Variants in ANKRD30A observed in about 807,000 individuals in gnomAD.
ANKRD30A encodes ankyrin repeat domain-containing protein 30A.
A neutral mutation model predicts 166.3 loss-of-function variants in ANKRD30A; 170 were observed. The observed-to-expected ratio is 1.02, with a 90% CI of 0.90 to 1.16. ANKRD30A has a LOEUF of 1.16. Ranked by LOEUF, ANKRD30A falls within the 50% of genes most tolerant of loss-of-function variation. ANKRD30A has a pLI of 0.00. For missense variants in ANKRD30A, 1,630 were observed against 1,518.0 expected (o/e 1.07, Z -1.23); for synonymous variants, 564 against 508.9 (o/e 1.11, Z -1.46).
chr10:37,139,103 A>G (rs983308690), intron 6 of ANKRD30A, among the ~76,000 whole-genome samples: 1 of 152,254 alleles, frequency 6.6e-6, no homozygotes, highest in Admixed American at 6.5e-5. Context: ...TTTTCAACCC[A>G]GAATTTCATA....
downstream of ANKRD30A, among the ~76,000 whole-genome samples, chr10:37,233,668 C>A (rs1039241741): frequency 6.6e-6 from 1 of 152,084 alleles, no homozygotes; most frequent in African/African-American, 2.4e-5. Context: ...TATGAAGATT[C>A]AGTGACATGT....
chr10:37,217,129 G>A (rs1469880737), intron 32 of ANKRD30A, among the ~76,000 whole-genome samples: 4 of 150,666 alleles, frequency 2.7e-5, no homozygotes, highest in African/African-American at 9.7e-5. Context: ...TAATCAACAA[G>A]GTACGTTTAA....
intron 5 of ANKRD30A, among the ~76,000 whole-genome samples, chr10:37,134,405 G>A (rs1194153545): frequency 6.6e-6 from 1 of 152,118 alleles, no homozygotes; most frequent in East Asian, 1.9e-4. Flanking sequence ...TTTTGTGTAA[G>A]TCAAAAGGAT....
chr10:37,199,705 A>T, intron 29 of ANKRD30A, 22 bp from the exon 30 acceptor site: 2 of 1,467,580 alleles, frequency 1.4e-6, no homozygotes, highest in Non-Finnish European at 1.9e-6. Context: ...TCATGAATGT[A>T]TCTGTGATTA....
intron 15 of ANKRD30A, among the ~76,000 whole-genome samples, chr10:37,162,332 T>C (rs938932839): frequency 3.3e-5 from 5 of 152,158 alleles, no homozygotes; most frequent in African/African-American, 7.2e-5. Flanking sequence ...TTCTAATGTG[T>C]TTCATTAAGT....
At chr10:37,234,025 G>A (rs538093442), downstream of ANKRD30A, among the ~76,000 whole-genome samples, 518 of 152,190 alleles carry the variant, frequency 3.4e-3, 4 homozygotes, top group African/African-American at 0.011. Context: ...ATCTTATACA[G>A]CTTTTTTAAC....
chr10:37,167,837 C>T (rs1588855812), intron 19 of ANKRD30A, among the ~76,000 whole-genome samples: 1 of 145,756 alleles, frequency 6.9e-6, no homozygotes, highest in Admixed American at 7.0e-5. Context: ...ATTCTACATT[C>T]AGCTGAACTC....
At chr10:37,222,780 T>A (rs982502869) in intron 34 of ANKRD30A, among the ~76,000 whole-genome samples, 1 of 151,422 alleles carries the variant, frequency 6.6e-6, no homozygotes, top group East Asian at 1.9e-4. Flanking sequence ...ATTGACCTTA[T>A]GCTTCAGGAT....
chr10:37,239,869 T>A, the ANKRD30A span, among the ~76,000 whole-genome samples: 1 of 152,112 alleles, frequency 6.6e-6, no homozygotes, highest in Non-Finnish European at 1.5e-5. Flanking sequence ...ATTCTGTAAG[T>A]GAGACATCAT....
chr10:37,154,588 C>G (rs887085386), intron 13 of ANKRD30A, among the ~76,000 whole-genome samples: 36 of 152,134 alleles, frequency 2.4e-4, no homozygotes, highest in Non-Finnish European at 4.0e-4. Flanking sequence ...GAAGATACTA[C>G]CACTAAACAA....
intron 5 of ANKRD30A, chr10:37,135,407 C>A (rs886703309): frequency 6.6e-6 from 1 of 152,114 alleles, no homozygotes; most frequent in African/African-American, 2.4e-5. Flanking sequence ...TGTGTCAAAG[C>A]AAAATGTGTG....
At chr10:37,193,359 T>G (rs906939112) in intron 27 of ANKRD30A, 101 bp downstream of exon 27, 1 of 1,348,166 alleles carries the variant, frequency 7.4e-7, no homozygotes, top group Admixed American at 2.4e-5. Flanking sequence ...TATTCATAAT[T>G]TGATGGGAAA....
chr10:37,239,385 A>G, the ANKRD30A span, among the ~76,000 whole-genome samples: 1 of 152,120 alleles, frequency 6.6e-6, no homozygotes, highest in African/African-American at 2.4e-5. Context: ...CATAATGTAG[A>G]TCACATGATA....
chr10:37,155,076 A>G (rs556684276), intron 13 of ANKRD30A, among the ~76,000 whole-genome samples: 28 of 152,334 alleles, frequency 1.8e-4, no homozygotes, highest in African/African-American at 6.7e-4. Context: ...ACACGAAACC[A>G]GACTAATTTT....
chr10:37,199,285 T>C (rs1320760304), intron 29 of ANKRD30A, among the ~76,000 whole-genome samples: 1 of 152,080 alleles, frequency 6.6e-6, no homozygotes, highest in African/African-American at 2.4e-5. Context: ...AAAAATCTTA[T>C]TCATTGATAA....
chr10:37,157,040 T>C (rs1295364852), intron 13 of ANKRD30A, among the ~76,000 whole-genome samples: 2 of 152,308 alleles, frequency 1.3e-5, no homozygotes, highest in Non-Finnish European at 2.9e-5. Context: ...CTAAATATAT[T>C]AAAGCATGTC....
At chr10:37,160,332 A>G (rs1838753737) in intron 15 of ANKRD30A, among the ~76,000 whole-genome samples, 1 of 152,198 alleles carries the variant, frequency 6.6e-6, no homozygotes, top group Non-Finnish European at 1.5e-5. Flanking sequence ...ACTGTTACTC[A>G]TTAACCATGA....
In ANKRD30A at chr10:37,217,741, T is replaced by G. The variant is rs751999406; in HGVS notation, c.3130T>G (p.Leu1044Val). The change falls in exon 33 of 36, where the codon TTA (leucine) becomes GTA (valine). Residue 1044 changes from leucine to valine, a missense_variant. Around this residue, in one of 4 missense-constraint regions of ANKRD30A, gnomAD observed 712 missense variants for 629.3 expected, o/e 1.13. Transcript: ENST00000361713. ...EEEKRRNADI[L>V]NEKIREELGR... Reference sequence around the variant, plus strand: ...AGAGAAGAGAAGAAATGCCGATATATTAAATGAAAAAATTAGGGAAGAATT... The same window carrying G: ...AGAGAAGAGAAGAAATGCCGATATAGTAAATGAAAAAATTAGGGAAGAATT... The G allele has an allele frequency of 2.6e-5, 42 of 1,594,458 alleles. No individual in the cohort carries two copies. The highest frequency in any genetic ancestry group is 3.5e-5 in the Non-Finnish European group (41 of 1,171,264).
At chr10:37,134,463 C>A (rs1416207274) in intron 5 of ANKRD30A, among the ~76,000 whole-genome samples, 1 of 152,146 alleles carries the variant, frequency 6.6e-6, no homozygotes, top group Non-Finnish European at 1.5e-5. Flanking sequence ...TCCATTGATT[C>A]TGTTGTTGCA....
Sources: gnomAD v4.1 joint callset for allele counts (sites outside exome capture counted in the v4.1 genomes callset) on GRCh38, gnomAD v4.1.1 for gene constraint, gnomAD v4.1.1 regional missense constraint, MANE v1.5 for transcripts, NCBI Gene and HGNC (gene_info 2026-07-23, HGNC 2026-07-21) for gene names.